Variants in RREB1 observed in about 807,000 individuals in gnomAD.
RREB1 encodes ras responsive element binding protein 1, also known as ras-responsive element-binding protein 1.
In RREB1, 27 loss-of-function variants were observed where a neutral mutation model predicts 117.8. The observed-to-expected ratio is 0.23, with a 90% confidence interval of 0.17 to 0.32. The LOEUF is 0.32. Among genes scored for constraint, RREB1 ranks in the 10% least tolerant of loss-of-function variants. The pLI is 1.00. For synonymous variants in RREB1, 1,298 were observed against 1,026.7 expected, an observed-to-expected ratio of 1.26 and a Z score of -5.05; for missense variants, 2,577 against 2,378.2, an observed-to-expected ratio of 1.08 and a Z score of -1.74.
chr6:7,238,725 A>G (rs1768499831), intron 10 of RREB1, among the ~76,000 whole-genome samples: 1 of 152,184 alleles, frequency 6.6e-6, no homozygotes, highest in Non-Finnish European at 1.5e-5. Flanking sequence ...GGAGCTACTC[A>G]GAAGCACACA....
chr6:7,182,026 G>A lies in RREB1; in HGVS notation c.115G>A (p.Gly39Arg). 6.2e-7 allele frequency: 1 copy of A among 1,613,926 alleles called. No individual in the cohort carries two copies. The stretch of plus-strand genomic sequence containing the variant: ...CACAGAGAATGGCGGGAGCCCCCAG[G>A]GGATCAAGTCCCCCTCGAAGCCTCC... ...KVTENGGSPQ[G>R]IKSPSKPPGP... Residue 39 changes from glycine to arginine, a missense_variant, in exon 4 of 13, where the codon GGG becomes AGG. By Grantham distance (125) the Gly-to-Arg change is moderately radical (BLOSUM62 -2). Transcript: ENST00000379938.
chr6:7,120,930 C>T (rs2113313730), intron 1 of RREB1, among the ~76,000 whole-genome samples: 1 of 151,514 alleles, frequency 6.6e-6, no homozygotes, highest in African/African-American at 2.4e-5. Context: ...AGTGATTCTC[C>T]CTCCTGCCTC....
intron 2 of RREB1, among the ~76,000 whole-genome samples, chr6:7,177,348 G>A (rs558194495): frequency 6.6e-6 from 1 of 151,048 alleles, no homozygotes; most frequent in South Asian, 2.1e-4. Context: ...CAACACTTTG[G>A]ACATCTCTCT....
chr6:7,211,068 GT>G, intron 7 of RREB1, 120 bp downstream of exon 7: 2 of 982,612 alleles, frequency 2.0e-6, no homozygotes, highest in Non-Finnish European at 3.0e-6. Context: ...CTTAACGTGT[GT>G]TTTCCCATAC....
intron 4 of RREB1, among the ~76,000 whole-genome samples, chr6:7,182,443 T>G (rs552433804): frequency 6.6e-6 from 1 of 152,312 alleles, no homozygotes; most frequent in African/African-American, 2.4e-5. Context: ...ATCTTCAGAT[T>G]AGGTAGCAAA....
intron 1 of RREB1, among the ~76,000 whole-genome samples, chr6:7,159,465 A>C (rs1376575092): frequency 6.6e-6 from 1 of 152,218 alleles, no homozygotes; most frequent in African/African-American, 2.4e-5. Flanking sequence ...GTTCCTTTCC[A>C]GAGGATGAGT....
At chr6:7,211,034 C>G in intron 7 of RREB1, 86 bp downstream of exon 7, 1 of 1,346,164 alleles carries the variant, frequency 7.4e-7, no homozygotes. Context: ...AGTGTGGAGA[C>G]TTGGCAGACA....
At position 7,142,076 on chromosome 6, in the gene RREB1, G is replaced by C. The variant is rs536076649; in HGVS notation, c.-285+34016G>C. 2.0e-5 allele frequency among the ~76,000 whole-genome samples: 3 copies of C among 152,328 alleles called. No individual in the cohort carries two copies. In the South Asian group the frequency reaches 6.2e-4, roughly 32 times the overall value. ...AAAAAAATACAAAAATTAGCTGGGC[G>C]TGGTGGCGTGCGCCTGTGATCCCAG... On this transcript the variant is annotated intron_variant, in intron 1 of 12. Coordinates refer to ENST00000379938, the MANE Select transcript of RREB1 (RefSeq NM_001003699.4).
At chr6:7,142,134 G>A (rs575876262) in intron 1 of RREB1, among the ~76,000 whole-genome samples, 3 of 152,164 alleles carry the variant, frequency 2.0e-5, no homozygotes, top group African/African-American at 7.2e-5. Context: ...AGAATCGCTT[G>A]AACTTGGGAG....
intron 8 of RREB1, 69 bp from the exon 9 acceptor site, chr6:7,226,398 A>G: frequency 8.5e-7 from 1 of 1,172,694 alleles, no homozygotes; most frequent in Non-Finnish European, 1.2e-6. Context: ...AAGAGTGGAA[A>G]CTCTGACTTA....
In RREB1 at chr6:7,240,551, G is replaced by A. The variant is rs1197089854; in HGVS notation, c.3922G>A (p.Gly1308Arg). 1.1e-5 allele frequency: 17 copies of A among 1,613,768 alleles called. No homozygotes were observed. The highest frequency in any genetic ancestry group is 2.2e-5 in the East Asian group (1 of 44,878). The change falls in exon 11 of 13, where the codon GGG becomes AGG. Residue 1308 changes from glycine (G) to arginine (R), a missense_variant. Gly to Arg is a moderately radical substitution (Grantham distance 125). Coordinates refer to ENST00000379938, the MANE Select transcript of RREB1 (RefSeq NM_001003699.4). The stretch of plus-strand genomic sequence containing the variant: ...TACCACCTGTTCCCTGAGAAGAAAC[G>A]GGCTTATCCCCCAGTCAAAAGAGAG... ...GVTTCSLRRN[G>R]LIPQSKESDV...
rs549841770 is a variant in RREB1 at position 7,247,101 on chromosome 6, A to G, written c.4651A>G (p.Lys1551Glu). 1 of 1,613,784 alleles carries G rather than the reference A, an allele frequency of 6.2e-7. No homozygotes were observed. Among genetic ancestry groups the G allele is most frequent in the African/African-American group, 1.3e-5 (1 of 75,028 alleles). The part of the protein sequence containing the change: ...SEKSDDDKKP[K>E]TDSPKSVASK... ...GAAGAGCGACGATGACAAGAAACCA[A>G]AGACAGACTCCCCCAAAAGCGTGGC... Residue 1551 changes from lysine (K) to glutamate (E), a missense_variant, in exon 12 of 13, where the codon AAG (lysine) becomes GAG (glutamate). Transcript: ENST00000379938.
chr6:7,169,047 G>C (rs1482969212), intron 1 of RREB1, among the ~76,000 whole-genome samples: 1 of 149,938 alleles, frequency 6.7e-6, no homozygotes, highest in East Asian at 1.9e-4. Flanking sequence ...AAATATAATT[G>C]GATGCACATT....
At chr6:7,117,346 G>A (rs1761445497) in intron 1 of RREB1, among the ~76,000 whole-genome samples, 1 of 148,230 alleles carries the variant, frequency 6.7e-6, no homozygotes, top group South Asian at 2.1e-4. Flanking sequence ...GATGGGGTGG[G>A]TGTTCTGAAA....
At chr6:7,241,831 C>T (rs1360143100) in intron 11 of RREB1, among the ~76,000 whole-genome samples, 4 of 152,186 alleles carry the variant, frequency 2.6e-5, no homozygotes, top group Admixed American at 2.6e-4. Flanking sequence ...TTCACTGCTT[C>T]CCCAGCTTCC....
At chr6:7,184,434 CTT>C in intron 4 of RREB1, 1 of 145,546 alleles carries the variant, frequency 6.9e-6, no homozygotes, top group East Asian at 2.1e-4. Context: ...ATAAAAAAAA[CTT>C]TTTGCAGAGA....
chr6:7,248,953 C>A lies in RREB1; in HGVS notation c.5214C>A (p.Leu1738=). The change falls in exon 13 of 13, where the codon CTC becomes CTA. Residue 1738 remains leucine (L), a synonymous_variant. Coordinates refer to ENST00000379938, the MANE Select transcript of RREB1 (RefSeq NM_001003699.4). ...CCACAGCTGATGGCGCCTCCCAGCT[C>A]GTGGGGATGGAGTGACAGCCTCAGT... ...ILATADGASQ[L]VGME 6.7e-7 allele frequency: 1 copy of A among 1,486,952 alleles called. No individual in the cohort carries two copies. 92.1% of individuals were successfully genotyped at this position (1,486,952 alleles called of 1,614,324 possible).
chr6:7,236,089 G>A (rs911926170), intron 10 of RREB1, among the ~76,000 whole-genome samples: 27 of 151,816 alleles, frequency 1.8e-4, no homozygotes, highest in African/African-American at 6.1e-4. Context: ...ACCTAAACGC[G>A]CCACTCCATA....
chr6:7,129,951 T>C (rs986791092), intron 1 of RREB1, among the ~76,000 whole-genome samples: 6 of 152,220 alleles, frequency 3.9e-5, no homozygotes, highest in Admixed American at 1.3e-4. Flanking sequence ...CAGCAGTCTG[T>C]TGAGTGGAGC....
Sources: allele counts gnomAD v4.1 joint callset (sites outside exome capture counted in the v4.1 genomes callset), GRCh38; gene constraint gnomAD v4.1.1; transcripts MANE v1.5; gene names NCBI Gene and HGNC (gene_info 2026-07-23, HGNC 2026-07-21).